Variants in SERPINF1 observed in about 807,000 individuals in gnomAD.
The protein encoded by SERPINF1 is pigment epithelium-derived factor.
Under a neutral mutation model 37.3 loss-of-function variants are expected in SERPINF1, and 29 were observed. That is an observed-to-expected ratio of 0.78 (90% CI 0.58 to 1.06). SERPINF1 has a LOEUF of 1.06. Among genes scored for constraint, SERPINF1 ranks in the 50% least tolerant of loss-of-function variants. The probability of loss-of-function intolerance (pLI) is 0.00; values close to 1 mark genes in which losing one functional copy is unlikely to be tolerated. For synonymous variants in SERPINF1, 281 were observed against 227.9 expected, an observed-to-expected ratio of 1.23 and a Z score of -2.10; for missense variants, 553 against 532.2, an observed-to-expected ratio of 1.04 and a Z score of -0.38.
intron 4 of SERPINF1, 77 bp downstream of exon 4, chr17:1,771,261 T>C: frequency 2.8e-6 from 4 of 1,437,024 alleles, no homozygotes; most frequent in Non-Finnish European, 3.7e-6. Context: ...TTTTTTTTTT[T>C]TTTTTGAGAC....
chr17:1,768,483 C>G (rs1400606683), intron 2 of SERPINF1, among the ~76,000 whole-genome samples: 3 of 147,856 alleles, frequency 2.0e-5, no homozygotes, highest in Non-Finnish European at 4.5e-5. Flanking sequence ...TTTTAACTTT[C>G]TTTTTTTAGA....
chr17:1,766,872 A>G (rs1367439475), intron 1 of SERPINF1, 31 bp from the exon 2 acceptor site: 2 of 1,541,714 alleles, frequency 1.3e-6, no homozygotes, highest in South Asian at 2.4e-5. Context: ...GTCGGGGGAG[A>G]GCGGCTTGCT....
chr17:1,775,317 CTG>C (rs1484035423), intron 6 of SERPINF1, 117 bp downstream of exon 6: 4 of 1,065,376 alleles, frequency 3.8e-6, no homozygotes, highest in Middle Eastern at 3.1e-4. Context: ...ATGTCGCCTG[CTG>C]TGTGACTTTG....
chr17:1,764,203 C>T (rs1907237988), intron 1 of SERPINF1, among the ~76,000 whole-genome samples: 2 of 152,144 alleles, frequency 1.3e-5, no homozygotes. Flanking sequence ...AAAACTATGC[C>T]GGGATGAGCC....
At chr17:1,766,550 T>C (rs1365728963) in intron 1 of SERPINF1, 3 of 138,874 alleles carry the variant, frequency 2.2e-5, no homozygotes, top group Non-Finnish European at 4.6e-5. Flanking sequence ...AGCCAGACTC[T>C]GTTTCAAAAA....
intron 5 of SERPINF1, among the ~76,000 whole-genome samples, chr17:1,772,530 C>T (rs1192318149): frequency 1.3e-5 from 2 of 151,516 alleles, no homozygotes; most frequent in African/African-American, 2.4e-5. Context: ...GGATTACAGG[C>T]ATGAGCCACC....
chr17:1,769,944 C>T lies in SERPINF1; in HGVS notation c.177C>T (p.Ser59=). The change falls in exon 3 of 8, where the codon TCC becomes TCT. Residue 59 remains serine, a synonymous_variant. Transcript: ENST00000254722. ...TGAACAAGCTGGCAGCGGCTGTCTC[C>T]AACTTCGGCTATGACCTGTACCGGG... The part of the protein sequence containing the change: ...VPVNKLAAAV[S]NFGYDLYRVR... The T allele has an allele frequency of 6.2e-7, 1 of 1,614,202 alleles. No individual in the cohort carries two copies. Among genetic ancestry groups the T allele is most frequent in the Non-Finnish European group, 8.5e-7 (1 of 1,180,024 alleles).
intron 2 of SERPINF1, among the ~76,000 whole-genome samples, chr17:1,768,745 G>A (rs1434841687): frequency 6.6e-6 from 1 of 151,784 alleles, no homozygotes; most frequent in African/African-American, 2.4e-5. Context: ...CCAAAGTGCT[G>A]GGATTATAGG....
chr17:1,777,172 T>C lies in SERPINF1; in HGVS notation c.998-15T>C, dbSNP rs201919275. 1.2e-4 allele frequency: 197 copies of C among 1,613,920 alleles called. No individual in the cohort carries two copies. Among genetic ancestry groups the C allele is most frequent in the Admixed American group, 4.5e-4 (27 of 59,974 alleles). On this transcript the variant is annotated splice_polypyrimidine_tract_variant and intron_variant, in intron 7 of 7. Transcript: ENST00000254722. ...AAGGCAGGGTTTTAACGGAAATCTC[T>C]CTCCATCTCTACAGAGCTGCAATCC...
intron 5 of SERPINF1, among the ~76,000 whole-genome samples, chr17:1,773,491 A>G (rs986009574): frequency 6.6e-6 from 1 of 151,222 alleles, no homozygotes; most frequent in Non-Finnish European, 1.5e-5. Context: ...CAGATGATCC[A>G]CCCGCCTCGG....
At chr17:1,770,133 A>G in intron 3 of SERPINF1, 83 bp downstream of exon 3, 1 of 1,484,430 alleles carries the variant, frequency 6.7e-7, no homozygotes, top group Admixed American at 1.8e-5. Context: ...GAGTTTATTG[A>G]CATTTCAGTT....
Position 1,777,324 on chromosome 17 carries a change from C to G in SERPINF1, c.1135C>G (p.Pro379Ala). 6.2e-7 allele frequency: 1 copy of G among 1,614,168 alleles called. No individual in the cohort carries two copies. Among genetic ancestry groups the G allele is most frequent in the Non-Finnish European group, 8.5e-7 (1 of 1,180,044 alleles). ...AGTTPSPGLQPAHLTFPLDYH... is the reference protein window; with the variant it reads ...AGTTPSPGLQAAHLTFPLDYH... ...AACCACCCCCAGCCCAGGGCTGCAG[C>G]CTGCCCACCTCACCTTCCCGCTGGA... The change falls in exon 8 of 8, where the codon CCT becomes GCT. Residue 379 changes from proline to alanine, a missense_variant. Pro to Ala is a conservative substitution (Grantham distance 27). Transcript: ENST00000254722.
chr17:1,763,764 C>T (rs1202701879), intron 1 of SERPINF1, among the ~76,000 whole-genome samples: 1 of 152,266 alleles, frequency 6.6e-6, no homozygotes, highest in Non-Finnish European at 1.5e-5. Context: ...CCTCACCTCA[C>T]CTCAGCCTAC....
rs745597603 is a variant in SERPINF1 at position 1,776,609 on chromosome 17, G to A, written c.864G>A (p.Leu288=). Residue 288 remains leucine, a synonymous_variant, in exon 7 of 8, where the codon TTG becomes TTA. Coordinates refer to ENST00000254722, the MANE Select transcript of SERPINF1 (RefSeq NM_002615.7). The part of the protein sequence containing the change: ...LPLKVTQNLT[L]IEESLTSEFI... ...TGAAAGTGACCCAGAATTTGACCTT[G>A]ATAGAGGAGAGCCTCACCTCCGAGT... is the stretch of plus-strand genomic sequence containing the variant. The A allele has an allele frequency of 1.2e-6, 2 of 1,614,028 alleles. No individual in the cohort carries two copies. Among genetic ancestry groups the A allele is most frequent in the Admixed American group, 3.3e-5 (2 of 59,992 alleles).
chr17:1,768,309 T>C (rs1293990889), intron 2 of SERPINF1, among the ~76,000 whole-genome samples: 2 of 151,262 alleles, frequency 1.3e-5, no homozygotes, highest in African/African-American at 4.9e-5. Flanking sequence ...GGGGCGCCTG[T>C]AGTCCCAGCT....
intron 1 of SERPINF1, among the ~76,000 whole-genome samples, chr17:1,765,061 C>G (rs1400799616): frequency 2.0e-5 from 3 of 151,278 alleles, no homozygotes; most frequent in Non-Finnish European, 4.4e-5. Context: ...CCAGGATGGT[C>G]TCAAACTCCT....
intron 7 of SERPINF1, 88 bp from the exon 8 acceptor site, chr17:1,777,099 G>A (rs985932475): frequency 9.4e-6 from 15 of 1,601,358 alleles, no homozygotes; most frequent in African/African-American, 4.0e-5. Flanking sequence ...ACAGTGCTGC[G>A]CCATCCCAGC....
intron 6 of SERPINF1, 92 bp from the exon 7 acceptor site, chr17:1,776,440 C>A (rs774973647): frequency 1.7e-6 from 2 of 1,144,052 alleles, no homozygotes; most frequent in Non-Finnish European, 2.6e-6. Flanking sequence ...ACCAGGGCCC[C>A]GTCACGGGAG....
chr17:1,770,339 G>A (rs1165431009), intron 3 of SERPINF1, among the ~76,000 whole-genome samples: 1 of 152,126 alleles, frequency 6.6e-6, no homozygotes. Context: ...AACCAAGCTG[G>A]TGCTAGCCTA....
Sources: gnomAD v4.1 joint callset for allele counts (sites outside exome capture counted in the v4.1 genomes callset) on GRCh38, gnomAD v4.1.1 for gene constraint, MANE v1.5 for transcripts, NCBI Gene and HGNC (gene_info 2026-07-23, HGNC 2026-07-21) for gene names.